The following CECR2 variants were observed in gnomAD, a reference collection of about 807,000 sequenced individuals.
CECR2 encodes the protein CECR2 histone acetyl-lysine reader, also known as chromatin remodeling regulator CECR2.
Under a neutral mutation model 154.5 loss-of-function variants are expected in CECR2, and 30 were observed. The observed-to-expected ratio is 0.19, with a 90% confidence interval of 0.15 to 0.26. The LOEUF is 0.26. Among genes scored for constraint, CECR2 ranks in the 10% least tolerant of loss-of-function variants. CECR2 has a pLI of 1.00. For synonymous variants in CECR2, 725 were observed against 683.7 expected, an observed-to-expected ratio of 1.06 and a Z score of -0.94; for missense variants, 1,743 against 1,829.3, an observed-to-expected ratio of 0.95 and a Z score of 0.86.
intron 8 of CECR2, among the ~76,000 whole-genome samples, chr22:17,517,491 G>T (rs778438383): frequency 6.6e-6 from 1 of 152,130 alleles, no homozygotes; most frequent in African/African-American, 2.4e-5. Context: ...TGCCATCTTC[G>T]AGTAACACTT....
chr22:17,515,002 G>A (rs1029260455), intron 8 of CECR2, among the ~76,000 whole-genome samples: 10 of 148,084 alleles, frequency 6.8e-5, no homozygotes, highest in Middle Eastern at 3.5e-3. Context: ...CAGCCTGGGC[G>A]ACAGAGCAAG....
intron 1 of CECR2, among the ~76,000 whole-genome samples, chr22:17,447,652 TAA>T (rs5844311): frequency 2.2e-5 from 3 of 134,188 alleles, no homozygotes; most frequent in Admixed American, 7.6e-5. Context: ...CCCAGAGACT[TAA>T]AAAAAAAAAA....
At chr22:17,462,934 C>T (rs1192976870) in intron 1 of CECR2, among the ~76,000 whole-genome samples, 1 of 152,172 alleles carries the variant, frequency 6.6e-6, no homozygotes, top group Non-Finnish European at 1.5e-5. Flanking sequence ...TAAATACTCA[C>T]TGTGGGCAAA....
rs948206720 is a variant in CECR2 at position 17,556,363 on chromosome 22, T to G, written c.*3523T>G. On this transcript the variant is annotated 3_prime_UTR_variant, in exon 19 of 19. Coordinates refer to ENST00000262608, the MANE Select transcript of CECR2 (RefSeq NM_001290047.2). ...ACCTCAGCTTTAAATGTCGATTTAC[T>G]CTGTCTTGTTCCCTGAAAGTGTTTC... The G allele has an allele frequency of 9.2e-5, 14 of 152,244 alleles. No homozygotes were observed. Among genetic ancestry groups the G allele is most frequent in the African/African-American group, 3.4e-4 (14 of 41,464 alleles). The allele number at this position is 152,244 out of a possible 1,614,324, so 9.4% of individuals were successfully genotyped here. A position where few individuals can be genotyped will look rare whatever the true frequency, so the allele number is the denominator to read the frequency against.
intron 1 of CECR2, among the ~76,000 whole-genome samples, chr22:17,452,056 A>G (rs1258174421): frequency 6.6e-6 from 1 of 152,084 alleles, no homozygotes; most frequent in East Asian, 1.9e-4. Flanking sequence ...AAGCTATGAT[A>G]GAAGTTTGAA....
At chr22:17,413,040 C>T (rs2054090850) in intron 1 of CECR2, among the ~76,000 whole-genome samples, 3 of 152,152 alleles carry the variant, frequency 2.0e-5, no homozygotes, top group African/African-American at 7.2e-5. Context: ...TGTCCTCCAC[C>T]CTCTCTTGGG....
intron 1 of CECR2, among the ~76,000 whole-genome samples, chr22:17,362,895 C>T (rs949172608): frequency 3.4e-5 from 4 of 116,062 alleles, no homozygotes; most frequent in African/African-American, 1.3e-4. Context: ...GAGCGAAACT[C>T]CGTCTCAAAA....
intron 8 of CECR2, among the ~76,000 whole-genome samples, chr22:17,515,380 C>T (rs1216861178): frequency 6.6e-6 from 1 of 152,210 alleles, no homozygotes; most frequent in East Asian, 1.9e-4. Flanking sequence ...CCCACCTGCC[C>T]ACCATGTCTT....
intron 1 of CECR2, among the ~76,000 whole-genome samples, chr22:17,429,142 ATGAC>A (rs1232490156): frequency 1.3e-5 from 2 of 152,042 alleles, no homozygotes; most frequent in African/African-American, 2.4e-5. Flanking sequence ...CATGGGGAGA[ATGAC>A]TGAAGTGACT....
intron 1 of CECR2, among the ~76,000 whole-genome samples, chr22:17,463,869 G>A (rs973509899): frequency 2.0e-5 from 3 of 152,108 alleles, no homozygotes; most frequent in Admixed American, 1.3e-4. Context: ...AAAAGAAGAG[G>A]TCCAAGGGGT....
In CECR2 at chr22:17,528,040, T is replaced by G. The variant is rs759966110; in HGVS notation, c.1108+3769T>G. Among the ~76,000 whole-genome samples the G allele has an allele frequency of 3.3e-5, 5 of 152,170 alleles. No individual in the cohort carries two copies. In the East Asian group the frequency reaches 9.6e-4, roughly 29 times the overall value. On this transcript the variant is annotated intron_variant, in intron 9 of 18. Coordinates refer to ENST00000262608, the MANE Select transcript of CECR2 (RefSeq NM_001290047.2). Reference sequence around the variant, plus strand: ...AAAAGAGAGCTACCATAAAATCTATTAATCCCACTGCTGGGTATACACCCA... The same window carrying G: ...AAAAGAGAGCTACCATAAAATCTATGAATCCCACTGCTGGGTATACACCCA...
At chr22:17,384,498 A>G (rs946925230) in intron 1 of CECR2, among the ~76,000 whole-genome samples, 1 of 152,218 alleles carries the variant, frequency 6.6e-6, no homozygotes. Flanking sequence ...ATCTCCTTGT[A>G]TATCTCCATC....
At chr22:17,371,363 A>G (rs1281509895) in intron 1 of CECR2, among the ~76,000 whole-genome samples, 1 of 152,242 alleles carries the variant, frequency 6.6e-6, no homozygotes, top group African/African-American at 2.4e-5. Flanking sequence ...TCCACTTTTT[A>G]GGAAGAGGTA....
rs754513973 is a variant in CECR2, at chr22:17,504,865, A to G, written c.719A>G (p.Gln240Arg). 12 of 1,613,790 alleles carry G rather than the reference A, an allele frequency of 7.4e-6. No individual in the cohort carries two copies. The highest frequency in any genetic ancestry group is 6.7e-5 in the African/African-American group (5 of 75,006). The change falls in exon 7 of 19, where the codon CAA becomes CGA. Residue 240 changes from glutamine to arginine, a missense_variant. Transcript: ENST00000262608. ...QTRHGSQGPG[Q>R]GTWWLLCQTE... ...TTTCTAGGGTCCCAAGGGCCAGGCCAAGGTACTTGGTGGCTCCTGTGCCAG... is the reference window on the plus strand; with the variant it reads ...TTTCTAGGGTCCCAAGGGCCAGGCCGAGGTACTTGGTGGCTCCTGTGCCAG...
rs952686419 is a variant in CECR2, at chr22:17,555,879, C to T, written c.*3039C>T. On this transcript the variant is annotated 3_prime_UTR_variant, in exon 19 of 19. Coordinates refer to ENST00000262608, the MANE Select transcript of CECR2 (RefSeq NM_001290047.2). ...ACCATTGCATCTCTTTGATTTAACA[C>T]TCATGGCTCACCTTTAGTAGAGTTG... 1 of 152,152 alleles carries T rather than the reference C, an allele frequency of 6.6e-6. No homozygotes were observed. The highest frequency in any genetic ancestry group is 2.4e-5 in the African/African-American group (1 of 41,444). 9.4% of individuals were successfully genotyped at this position (152,152 alleles called of 1,614,324 possible).
At chr22:17,451,439 T>C (rs780664787) in intron 1 of CECR2, among the ~76,000 whole-genome samples, 8 of 152,202 alleles carry the variant, frequency 5.3e-5, no homozygotes, top group Non-Finnish European at 1.0e-4. Flanking sequence ...TCGAGATGAA[T>C]GCATAGCTCA....
chr22:17,397,280 C>T (rs1163895995), intron 1 of CECR2, among the ~76,000 whole-genome samples: 1 of 152,044 alleles, frequency 6.6e-6, no homozygotes. Flanking sequence ...GCTAGGATTA[C>T]AGGCACACAC....
At chr22:17,470,408 A>T (rs879654135) in intron 1 of CECR2, among the ~76,000 whole-genome samples, 1 of 144,532 alleles carries the variant, frequency 6.9e-6, no homozygotes, top group Admixed American at 6.8e-5. Flanking sequence ...AAAAAAAAAA[A>T]GAAAAAAAAA....
chr22:17,413,739 C>G (rs867327092), intron 1 of CECR2, among the ~76,000 whole-genome samples: 2 of 151,768 alleles, frequency 1.3e-5, no homozygotes, highest in Admixed American at 6.6e-5. Flanking sequence ...TACAGTGGCG[C>G]GATCTCAGCT....
Sources: allele counts gnomAD v4.1 joint callset (sites outside exome capture counted in the v4.1 genomes callset), GRCh38; gene constraint gnomAD v4.1.1; transcripts MANE v1.5; gene names NCBI Gene and HGNC (gene_info 2026-07-23, HGNC 2026-07-21).